Variants in STXBP6 observed in about 807,000 individuals in gnomAD.
STXBP6 encodes syntaxin binding protein 6, also known as syntaxin-binding protein 6.
A neutral mutation model predicts 26.9 loss-of-function variants in STXBP6; 21 were observed. The observed-to-expected ratio is 0.78, with a 90% CI of 0.55 to 1.12. The LOEUF is 1.12. STXBP6 is among the 50% of genes most tolerant of loss of function. The pLI is 0.00. For missense variants in STXBP6, 232 were observed against 257.9 expected, an observed-to-expected ratio of 0.90 and a Z score of 0.69; for synonymous variants, 97 against 92.6, an observed-to-expected ratio of 1.05 and a Z score of -0.27.
chr14:24,857,094 G>A lies in STXBP6; in HGVS notation c.218C>T (p.Ser73Leu), dbSNP rs755977060. 1.2e-6 allele frequency: 2 copies of A among 1,613,086 alleles called. No individual in the cohort carries two copies. Among genetic ancestry groups the A allele is most frequent in the Non-Finnish European group, 1.7e-6 (2 of 1,179,278 alleles). ...CATCCACTGTGATCTCCGAACAAAT[G>A]ATGTGGAGCCTTCAAACTGTTTGAC... ...TKVKQFEGST[S>L]FVRRSQWMLE... is the part of the protein sequence containing the mutation. The change falls in exon 3 of 6, where the codon TCA becomes TTA. Residue 73 changes from serine to leucine, a missense_variant. Transcript: ENST00000323944.
intron 2 of STXBP6, among the ~76,000 whole-genome samples, chr14:24,862,638 T>A (rs761405222): frequency 6.6e-5 from 10 of 152,138 alleles, no homozygotes; most frequent in Middle Eastern, 3.4e-3. Flanking sequence ...TCTCCAAAAG[T>A]GGAAGAAGAA....
rs139465336 is a variant in STXBP6 at position 24,823,952 on chromosome 14, G to A, written c.452-4758C>T. ...TATTCAATAATAATTTATTCTCTGC[G>A]TAGATGAAGTAGGCTCTATTCTATT... is the stretch of plus-strand genomic sequence containing the variant. On this transcript the variant is annotated intron_variant, in intron 4 of 5. Coordinates refer to ENST00000323944, the MANE Select transcript of STXBP6 (RefSeq NM_001394410.1). Among the ~76,000 whole-genome samples, 58 of 152,236 alleles carry A rather than the reference G, an allele frequency of 3.8e-4. 1 individual carries two copies. In the East Asian group the frequency reaches 7.1e-3, roughly 19 times the overall value.
At chr14:24,870,264 A>T (rs2069879345) in intron 2 of STXBP6, among the ~76,000 whole-genome samples, 1 of 152,170 alleles carries the variant, frequency 6.6e-6, no homozygotes, top group South Asian at 2.1e-4. Flanking sequence ...GAGGGGCCAA[A>T]TATGTGAAGT....
intron 1 of STXBP6, among the ~76,000 whole-genome samples, chr14:25,022,560 T>G (rs1030473832): frequency 2.0e-5 from 3 of 152,124 alleles, no homozygotes; most frequent in African/African-American, 7.2e-5. Context: ...AAAAGGAAAT[T>G]AAGGTGCTGC....
intron 1 of STXBP6, among the ~76,000 whole-genome samples, chr14:25,028,206 A>C (rs2075383949): frequency 6.6e-6 from 1 of 152,258 alleles, no homozygotes; most frequent in Non-Finnish European, 1.5e-5. Flanking sequence ...GTAGATGAAC[A>C]GCCCTATATT....
chr14:24,994,296 GA>G (rs1362912522), intron 1 of STXBP6, among the ~76,000 whole-genome samples: 1 of 152,142 alleles, frequency 6.6e-6, no homozygotes, highest in Non-Finnish European at 1.5e-5. Context: ...GATTTTTCTA[GA>G]ATGTCTGTCA....
chr14:24,854,758 A>G (rs750682398), intron 4 of STXBP6, among the ~76,000 whole-genome samples: 2 of 152,092 alleles, frequency 1.3e-5, no homozygotes, highest in Non-Finnish European at 2.9e-5. Flanking sequence ...ATACAGAGCT[A>G]TATCTTATTA....
intron 1 of STXBP6, among the ~76,000 whole-genome samples, chr14:24,997,295 C>T (rs1008774362): frequency 6.6e-6 from 1 of 152,200 alleles, no homozygotes; most frequent in Non-Finnish European, 1.5e-5. Context: ...CTGACACCAT[C>T]ATCCAGGCCT....
rs141577686 is a variant in STXBP6, at chr14:24,876,001, C to G, written c.155-18844G>C. On this transcript the variant is annotated intron_variant, in intron 2 of 5. Coordinates refer to ENST00000323944, the MANE Select transcript of STXBP6 (RefSeq NM_001394410.1). ...ATCATCACAAGTGTATAACACCAAA[C>G]AGAGTGGAGGGGTGGGGTGAGAGGT... is the stretch of plus-strand genomic sequence containing the variant. Among the ~76,000 whole-genome samples, 25 of 151,936 alleles carry G rather than the reference C, an allele frequency of 1.6e-4. No homozygotes were observed. In the East Asian group the frequency reaches 4.8e-3, roughly 29 times the overall value.
chr14:25,042,886 T>C (rs1157077833), intron 1 of STXBP6, among the ~76,000 whole-genome samples: 1 of 152,250 alleles, frequency 6.6e-6, no homozygotes, highest in Non-Finnish European at 1.5e-5. Context: ...TTTAGTATCA[T>C]GCCTCTTGGA....
intron 2 of STXBP6, among the ~76,000 whole-genome samples, chr14:24,961,036 C>T (rs1886055): frequency 0.11 from 17,073 of 152,198 alleles, 1,609 homozygotes; most frequent in African/African-American, 0.24. Context: ...ACATTGGCAT[C>T]AGCTTTGAGA....
At chr14:24,886,253 A>G (rs568981204) in intron 2 of STXBP6, among the ~76,000 whole-genome samples, 46 of 152,292 alleles carry the variant, frequency 3.0e-4, no homozygotes, top group African/African-American at 1.1e-3. Context: ...GAAATATTAC[A>G]TAGTGGTTAA....
chr14:24,899,812 A>AAAAAAG (rs1566458124), intron 2 of STXBP6, among the ~76,000 whole-genome samples: 1 of 144,650 alleles, frequency 6.9e-6, no homozygotes, highest in African/African-American at 2.8e-5. Flanking sequence ...AAAAAAAAAA[A>AAAAAAG]AAAAGAGTAA....
intron 4 of STXBP6, among the ~76,000 whole-genome samples, chr14:24,825,472 A>T (rs2068254849): frequency 6.6e-6 from 1 of 152,168 alleles, no homozygotes; most frequent in Non-Finnish European, 1.5e-5. Context: ...GACAAAGAAA[A>T]ATGGACTTAA....
chr14:25,018,692 A>G (rs1451423717), intron 1 of STXBP6, among the ~76,000 whole-genome samples: 1 of 152,202 alleles, frequency 6.6e-6, no homozygotes, highest in African/African-American at 2.4e-5. Flanking sequence ...TGGCCTAGGG[A>G]CAGTCACCAA....
chr14:24,976,206 G>C (rs1360054524), intron 1 of STXBP6, among the ~76,000 whole-genome samples: 1 of 152,190 alleles, frequency 6.6e-6, no homozygotes, highest in East Asian at 1.9e-4. Flanking sequence ...ATAGTTTATA[G>C]TAAAAGATCA....
intron 1 of STXBP6, among the ~76,000 whole-genome samples, chr14:24,978,821 G>A (rs1247172006): frequency 1.3e-5 from 2 of 152,166 alleles, no homozygotes. Context: ...CAAGTAACTA[G>A]GAAATAAGAC....
At chr14:24,927,408 A>G (rs1439297641) in intron 2 of STXBP6, among the ~76,000 whole-genome samples, 1 of 152,224 alleles carries the variant, frequency 6.6e-6, no homozygotes, top group Non-Finnish European at 1.5e-5. Context: ...TCTAAAATAG[A>G]GTGAAGTGGA....
At chr14:24,968,215 T>C (rs1206454514) in intron 2 of STXBP6, among the ~76,000 whole-genome samples, 1 of 149,254 alleles carries the variant, frequency 6.7e-6, no homozygotes, top group East Asian at 1.9e-4. Context: ...TGCTTTGCAG[T>C]TCCTTTTTCA....
Sources: allele counts gnomAD v4.1 joint callset (sites outside exome capture counted in the v4.1 genomes callset), GRCh38; gene constraint gnomAD v4.1.1; transcripts MANE v1.5; gene names NCBI Gene and HGNC (gene_info 2026-07-23, HGNC 2026-07-21).